CARF: variants seen among roughly 807,000 people sequenced by gnomAD.
CARF encodes calcium responsive transcription factor.
Under a neutral mutation model 82.0 loss-of-function variants are expected in CARF, and 57 were observed. The ratio of observed to expected loss-of-function variants is 0.70; its 90% CI spans 0.56 to 0.87. CARF has a LOEUF of 0.87. Ranked by LOEUF, CARF falls within the 40% of genes least tolerant of loss-of-function variation. CARF has a pLI of 0.00. For missense variants in CARF, 771 were observed against 855.8 expected (o/e 0.90, Z 1.24); for synonymous variants, 268 against 290.1 (o/e 0.92, Z 0.77).
At chr2:202,970,975 G>A (rs945697667) in intron 11 of CARF, among the ~76,000 whole-genome samples, 2 of 151,680 alleles carry the variant, frequency 1.3e-5, no homozygotes, top group African/African-American at 4.8e-5. Flanking sequence ...TTGAGCTCCT[G>A]TGAGGAAAGA....
At chr2:202,913,585 T>C (rs1280704511) in intron 1 of CARF, among the ~76,000 whole-genome samples, 1 of 152,216 alleles carries the variant, frequency 6.6e-6, no homozygotes, top group Non-Finnish European at 1.5e-5. Flanking sequence ...CTTATTAGGC[T>C]TGAGCTTGCT....
intron 12 of CARF, 101 bp from the exon 13 acceptor site, chr2:202,974,233 C>T (rs2059931903): frequency 1.3e-6 from 1 of 797,178 alleles, no homozygotes; most frequent in South Asian, 2.2e-5. Context: ...ATAAACCATA[C>T]TTTATAGAAG....
intron 15 of CARF, 140 bp downstream of exon 15, chr2:202,981,825 CTTT>C: frequency 1.0e-6 from 1 of 999,382 alleles, no homozygotes; most frequent in Non-Finnish European, 1.5e-6. Context: ...ATTTCCTGAT[CTTT>C]TTGTTTCTTG....
At chr2:202,928,721 T>G (rs1375030412) in intron 3 of CARF, among the ~76,000 whole-genome samples, 1 of 152,108 alleles carries the variant, frequency 6.6e-6, no homozygotes, top group Non-Finnish European at 1.5e-5. Context: ...TCTTAGAGAT[T>G]TTTTTTAAAG....
At chr2:202,944,064 G>C (rs145227893) in intron 5 of CARF, among the ~76,000 whole-genome samples, 1 of 152,156 alleles carries the variant, frequency 6.6e-6, no homozygotes, top group East Asian at 1.9e-4. Flanking sequence ...CTAGTATATG[G>C]GGAATTAGAC....
intron 7 of CARF, among the ~76,000 whole-genome samples, 198 bp from the exon 8 acceptor site, chr2:202,955,476 T>C (rs3820965): frequency 0.017 from 2,612 of 152,340 alleles, 72 homozygotes; most frequent in East Asian, 0.091. Context: ...TTTAGGTCTT[T>C]GACTTAGCAG....
At chr2:202,949,580 T>A (rs1289562289) in intron 5 of CARF, among the ~76,000 whole-genome samples, 3 of 149,414 alleles carry the variant, frequency 2.0e-5, no homozygotes, top group Non-Finnish European at 4.4e-5. Flanking sequence ...AGACAAAGCC[T>A]CACTCTGTTG....
At chr2:202,944,536 T>G (rs1262638165) in intron 5 of CARF, among the ~76,000 whole-genome samples, 4 of 152,208 alleles carry the variant, frequency 2.6e-5, no homozygotes, top group Non-Finnish European at 5.9e-5. Flanking sequence ...CCAAATTGAG[T>G]TTTCTAAATT....
In CARF at chr2:202,988,252, A is replaced by T. The variant is rs1029186606; in HGVS notation, c.*4628A>T. On this transcript the variant is annotated 3_prime_UTR_variant, in exon 17 of 17. Coordinates refer to ENST00000438828, the MANE Select transcript of CARF (RefSeq NM_024744.17). ...TATTATGAATAAAGTTTCCATGAAC[A>T]TCTATGTACAAGTCTTTGTACAGAC... Among the ~76,000 whole-genome samples the T allele has an allele frequency of 6.6e-6, 1 of 152,226 alleles. No homozygotes were observed. The highest frequency in any genetic ancestry group is 1.5e-5 in the Non-Finnish European group (1 of 68,032).
At chr2:202,921,252 TG>T (rs1690742632) in intron 2 of CARF, among the ~76,000 whole-genome samples, 1 of 152,182 alleles carries the variant, frequency 6.6e-6, no homozygotes, top group African/African-American at 2.4e-5. Flanking sequence ...CCGCCTGCCT[TG>T]GCCTCCCAAA....
At chr2:202,959,446 C>T (rs932772787) in intron 8 of CARF, among the ~76,000 whole-genome samples, 5 of 152,168 alleles carry the variant, frequency 3.3e-5, no homozygotes, top group Admixed American at 1.3e-4. Context: ...GGGAAACATA[C>T]ATGGAGTCAA....
chr2:202,942,691 T>TAA, intron 4 of CARF, 49 bp from the exon 5 acceptor site: 1 of 1,370,452 alleles, frequency 7.3e-7, no homozygotes, highest in Non-Finnish European at 9.9e-7. Flanking sequence ...TACACATCTT[T>TAA]AAAAAAAATG....
At chr2:202,922,307 G>C (rs1009546470) in intron 2 of CARF, among the ~76,000 whole-genome samples, 2 of 151,910 alleles carry the variant, frequency 1.3e-5, no homozygotes, top group Non-Finnish European at 2.9e-5. Flanking sequence ...GTAGAGATGG[G>C]GGTCTCACTA....
At chr2:202,957,936 T>C (rs2059125903) in intron 8 of CARF, among the ~76,000 whole-genome samples, 2 of 151,336 alleles carry the variant, frequency 1.3e-5, no homozygotes, top group Non-Finnish European at 2.9e-5. Context: ...AGAGCAAGAC[T>C]CCATCTCAAA....
At chr2:202,950,178 G>GT (rs1362134050) in intron 5 of CARF, among the ~76,000 whole-genome samples, 1 of 152,122 alleles carries the variant, frequency 6.6e-6, no homozygotes, top group East Asian at 1.9e-4. Flanking sequence ...ATTGTAAATA[G>GT]TTTTTTAGGT....
intron 4 of CARF, among the ~76,000 whole-genome samples, chr2:202,942,360 A>T (rs144990234): frequency 0.089 from 13,466 of 151,246 alleles, 730 homozygotes; most frequent in Non-Finnish European, 0.12. Flanking sequence ...GGCAACAGAG[A>T]GAGACTCCGT....
rs181690608 is a variant in CARF, at chr2:202,922,137, G to A, written c.-162-2160G>A. 6.6e-5 allele frequency among the ~76,000 whole-genome samples: 10 copies of A among 152,014 alleles called. No individual in the cohort carries two copies. In the East Asian group the frequency reaches 1.7e-3, roughly 26 times the overall value. On this transcript the variant is annotated intron_variant, in intron 2 of 16. Coordinates refer to ENST00000438828, the MANE Select transcript of CARF (RefSeq NM_024744.17). ...AGCCACCACACTGAGCCCTTAAAAA[G>A]AAATTTTTAATCTTTTGAGACAGGG...
intron 12 of CARF, among the ~76,000 whole-genome samples, chr2:202,972,870 T>C (rs2059858061): frequency 6.6e-6 from 1 of 152,182 alleles, no homozygotes; most frequent in African/African-American, 2.4e-5. Context: ...ACTGCTACTT[T>C]AACCAAAAGG....
At position 202,982,211 on chromosome 2, in the gene CARF, T is replaced by C; in HGVS notation, c.1829T>C (p.Leu610Pro). The change falls in exon 16 of 17, where the codon CTT becomes CCT. Residue 610 changes from leucine (L) to proline (P), a missense_variant. Physicochemically the swap from Leu to Pro is moderately conservative, Grantham distance 98. Coordinates refer to ENST00000438828, the MANE Select transcript of CARF (RefSeq NM_024744.17). ...GTAATGAATAATAATTCTCTACTGC[T>C]TGGTCAAAGTCATAGCCTTCAAAGA... ...SAVMNNNSLL[L>P]GQSHSLQRDT... The C allele has an allele frequency of 6.2e-7, 1 of 1,614,170 alleles. No homozygotes were observed. Among genetic ancestry groups the C allele is most frequent in the Non-Finnish European group, 8.5e-7 (1 of 1,180,032 alleles).
Sources: gnomAD v4.1 joint callset for allele counts (sites outside exome capture counted in the v4.1 genomes callset) on GRCh38, gnomAD v4.1.1 for gene constraint, MANE v1.5 for transcripts, NCBI Gene and HGNC (gene_info 2026-07-23, HGNC 2026-07-21) for gene names.